The following FAM228B variants were observed in gnomAD, a reference collection of about 807,000 sequenced individuals.
The protein encoded by FAM228B is family with sequence similarity 228 member B, also known as protein FAM228B.
Under a neutral mutation model 42.6 loss-of-function variants are expected in FAM228B, and 38 were observed. That is an observed-to-expected ratio of 0.89 (90% CI 0.69 to 1.17). The LOEUF is 1.17. Among genes scored for constraint, FAM228B ranks in the 50% most tolerant of loss-of-function variants. The pLI, the probability that FAM228B is intolerant of heterozygous loss-of-function variation, is 0.00. For synonymous variants in FAM228B, 109 were observed against 122.3 expected, an observed-to-expected ratio of 0.89 and a Z score of 0.72; for missense variants, 344 against 367.3, an observed-to-expected ratio of 0.94 and a Z score of 0.52.
chr2:24,153,067 C>T (rs879562132), intron 7 of FAM228B, among the ~76,000 whole-genome samples: 2 of 152,090 alleles, frequency 1.3e-5, no homozygotes, highest in Non-Finnish European at 2.9e-5. Flanking sequence ...TGCTGCCAGG[C>T]CTGGGACTCA....
At chr2:24,135,038 G>T in intron 2 of FAM228B, 81 bp from the exon 3 acceptor site, 1 of 900,800 alleles carries the variant, frequency 1.1e-6, no homozygotes, top group Non-Finnish European at 1.7e-6. Context: ...GGATATGTCT[G>T]TCATGCTAAA....
intron 7 of FAM228B, among the ~76,000 whole-genome samples, chr2:24,153,361 C>T (rs1014330200): frequency 3.9e-5 from 6 of 152,170 alleles, no homozygotes; most frequent in Admixed American, 2.6e-4. Context: ...CCCTGGGTAT[C>T]GCTGCTGCTG....
intron 2 of FAM228B, among the ~76,000 whole-genome samples, chr2:24,128,619 C>A (rs1424039986): frequency 6.6e-6 from 1 of 151,648 alleles, no homozygotes; most frequent in Non-Finnish European, 1.5e-5. Context: ...TCTTTGTATG[C>A]CTGATGATTT....
chr2:24,124,430 G>A lies in FAM228B; in HGVS notation c.69G>A (p.Trp23Ter). The A allele has an allele frequency of 6.4e-7, 1 of 1,551,766 alleles. No homozygotes were observed. The highest frequency in any genetic ancestry group is 8.7e-7 in the Non-Finnish European group (1 of 1,146,910). The change falls in exon 2 of 11, where the codon TGG (tryptophan) becomes TGA (stop). Residue 23 changes from tryptophan (W) to a stop codon, truncating the protein, a stop_gained. Transcript: ENST00000615575. LOFTEE classifies it high-confidence loss of function. ...TLPKLKSSKE[W>*]LEPKPLCFME... ...CCAAGCTCAAGAGCTCAAAAGAATG[G>A]TTGGAGCCCAAGCCCCTTTGTTTTA...
chr2:24,082,817 A>AT, intron 2 of FAM228B: 1 of 1,510,034 alleles, frequency 6.6e-7, no homozygotes, highest in South Asian at 1.3e-5. Flanking sequence ...GATTGCTGGG[A>AT]TTCAAGTTGG....
At chr2:24,100,441 A>T (rs1268846917) in intron 3 of FAM228B, among the ~76,000 whole-genome samples, 1 of 152,230 alleles carries the variant, frequency 6.6e-6, no homozygotes, top group East Asian at 1.9e-4. Flanking sequence ...TCCCATCAAA[A>T]AGTGGGTGAA....
intron 5 of FAM228B, 47 bp from the exon 6 acceptor site, chr2:24,146,701 C>A: frequency 7.6e-7 from 1 of 1,315,316 alleles, no homozygotes; most frequent in Non-Finnish European, 1.1e-6. Flanking sequence ...AAAATGTTTA[C>A]TACTCAGACT....
At chr2:24,109,360 A>T (rs1665752340) in intron 3 of FAM228B, among the ~76,000 whole-genome samples, 1 of 152,136 alleles carries the variant, frequency 6.6e-6, no homozygotes, top group Non-Finnish European at 1.5e-5. Context: ...ATAACCTAGG[A>T]CATGCCATTC....
At position 24,135,137 on chromosome 2, in the gene FAM228B, A is replaced by AAATAG. The variant is rs757878565; in HGVS notation, c.118_119insAATAG (p.Thr40LysfsTer2). Reference sequence around the variant, plus strand: ...CTTTCAGGTTTTAGCTAAAGAAGATACTGAGGCAGCTATTCAATCAATATT... The same window carrying AAATAG: ...CTTTCAGGTTTTAGCTAAAGAAGATAAATAGCTGAGGCAGCTATTCAATCAATATT... On this transcript the variant is annotated stop_gained and frameshift_variant, in exon 3 of 11. Coordinates refer to ENST00000615575, the MANE Select transcript of FAM228B (RefSeq NM_001145710.2). LOFTEE classifies it high-confidence loss of function. 3.2e-5 allele frequency: 48 copies of AAATAG among 1,513,218 alleles called. No homozygotes were observed. The highest frequency in any genetic ancestry group is 3.4e-4 in the Middle Eastern group (2 of 5,900). 93.7% of individuals were successfully genotyped at this position (1,513,218 alleles called of 1,614,324 possible). A position where few individuals can be genotyped will look rare whatever the true frequency, so the allele number is the denominator to read the frequency against.
In FAM228B at chr2:24,080,319, C is replaced by T. The variant is rs1417503896; in HGVS notation, c.-289-557C>T. On this transcript the variant is annotated intron_variant, in intron 1 of 10. Coordinates refer to the FAM228B transcript ENST00000613899. This position sits in a 1 kb window ranked among gnomAD's most constrained non-coding sequence, Gnocchi z 4.7. Reference sequence around the variant, plus strand: ...GCAGCGAGCCGAGATCAAGCCACTGCACGCCATCCTCAGTGACAGAGTGAG... The same window carrying T: ...GCAGCGAGCCGAGATCAAGCCACTGTACGCCATCCTCAGTGACAGAGTGAG... Among the ~76,000 whole-genome samples the T allele has an allele frequency of 6.6e-6, 1 of 151,354 alleles. No individual in the cohort carries two copies. Among genetic ancestry groups the T allele is most frequent in the East Asian group, 1.9e-4 (1 of 5,174 alleles).
intron 1 of FAM228B, chr2:24,079,568 A>G (rs1315641199): frequency 2.5e-6 from 4 of 1,614,196 alleles, no homozygotes; most frequent in Non-Finnish European, 2.5e-6. Flanking sequence ...TCGACCATCA[A>G]GAGCCAGGCA....
At chr2:24,112,867 A>T (rs1189442557) in intron 3 of FAM228B, among the ~76,000 whole-genome samples, 3 of 152,050 alleles carry the variant, frequency 2.0e-5, no homozygotes, top group Non-Finnish European at 2.9e-5. Context: ...TCCACACAAC[A>T]GGCCTTTTCA....
chr2:24,077,933 G>A lies in FAM228B; in HGVS notation c.-290+964G>A, dbSNP rs1664830493. Among the ~76,000 whole-genome samples the A allele has an allele frequency of 6.6e-6, 1 of 152,150 alleles. No homozygotes were observed. The highest frequency in any genetic ancestry group is 1.5e-5 in the Non-Finnish European group (1 of 68,024). ...TGAAATACCCTTGAAGGAGTCATGT[G>A]CCATCTCAGAATATGTCCGATAGGT... is the stretch of plus-strand genomic sequence containing the variant. On this transcript the variant is annotated intron_variant, in intron 1 of 10. Coordinates refer to the FAM228B transcript ENST00000613899. This position sits in a 1 kb window ranked among gnomAD's most constrained non-coding sequence, Gnocchi z 5.5.
At chr2:24,121,186 C>T (rs2151008190), upstream of FAM228B, 6 of 1,614,172 alleles carry the variant, frequency 3.7e-6, no homozygotes, top group South Asian at 6.6e-5. Flanking sequence ...AGAGAATATT[C>T]ATCTGCCCGG....
intron 2 of FAM228B, chr2:24,085,897 T>C (rs181687552): frequency 6.6e-6 from 1 of 152,286 alleles, no homozygotes; most frequent in Non-Finnish European, 1.5e-5. Flanking sequence ...AATAATAAAA[T>C]GATGGGACTT....
upstream of FAM228B, among the ~76,000 whole-genome samples, chr2:24,120,724 C>T (rs1666085653): frequency 2.0e-5 from 3 of 151,804 alleles, no homozygotes; most frequent in Admixed American, 2.0e-4. Flanking sequence ...GGCTAATTTT[C>T]TTGTATTTTT....
intron 3 of FAM228B, among the ~76,000 whole-genome samples, chr2:24,115,829 C>T (rs1285593459): frequency 6.7e-6 from 1 of 148,430 alleles, no homozygotes; most frequent in East Asian, 2.0e-4. Context: ...CACACACAAA[C>T]ATCAATTCTA....
intron 2 of FAM228B, among the ~76,000 whole-genome samples, chr2:24,092,323 T>C (rs1665409702): frequency 6.9e-6 from 1 of 144,164 alleles, no homozygotes; most frequent in South Asian, 2.4e-4. Context: ...GCCTGTAATC[T>C]CACCACTTTG....
intron 5 of FAM228B, among the ~76,000 whole-genome samples, chr2:24,144,109 A>C (rs1294343777): frequency 6.6e-6 from 1 of 152,196 alleles, no homozygotes; most frequent in Non-Finnish European, 1.5e-5. Context: ...ATTGTCGATA[A>C]AACTTTAGAT....
Sources: allele counts gnomAD v4.1 joint callset (sites outside exome capture counted in the v4.1 genomes callset), GRCh38; gene constraint gnomAD v4.1.1; non-coding constraint Gnocchi (gnomAD v3.1); transcripts MANE v1.5; gene names NCBI Gene and HGNC (gene_info 2026-07-23, HGNC 2026-07-21).